Variants in ZFHX3 observed in about 807,000 individuals in gnomAD.
ZFHX3 encodes the protein zinc finger homeobox 3, also known as zinc finger homeobox protein 3.
ZFHX3 carries 42 observed loss-of-function variants against 279.1 expected under a neutral mutation model. That is an observed-to-expected ratio of 0.15 (90% CI 0.12 to 0.19). The LOEUF is 0.19. Among genes scored for constraint, ZFHX3 ranks in the 10% least tolerant of loss-of-function variants. ZFHX3 has a pLI of 1.00. For missense variants in ZFHX3, 4,981 were observed against 4,754.0 expected, an observed-to-expected ratio of 1.05 and a Z score of -1.40; for synonymous variants, 2,293 against 1,957.8, an observed-to-expected ratio of 1.17 and a Z score of -4.52.
At chr16:72,907,602 TG>T (rs1294488778) in intron 3 of ZFHX3, among the ~76,000 whole-genome samples, 3 of 139,722 alleles carry the variant, frequency 2.1e-5, no homozygotes, top group Admixed American at 2.1e-4. Context: ...TGTGTGTGTG[TG>T]TGTTGTGTGT....
chr16:73,359,451 T>C (rs1379240043), intron 3 of ZFHX3, among the ~76,000 whole-genome samples: 1 of 152,128 alleles, frequency 6.6e-6, no homozygotes, highest in East Asian at 1.9e-4. Flanking sequence ...GTCTCAATGC[T>C]GTAGGATTGG....
chr16:73,747,673 A>G (rs1162939489), intron 1 of ZFHX3, among the ~76,000 whole-genome samples: 2 of 152,216 alleles, frequency 1.3e-5, no homozygotes, highest in Admixed American at 1.3e-4. Context: ...AAGTATAGGT[A>G]TAGGTAATGT....
At chr16:73,581,239 C>A (rs1443251511) in intron 2 of ZFHX3, among the ~76,000 whole-genome samples, 1 of 151,728 alleles carries the variant, frequency 6.6e-6, no homozygotes, top group Non-Finnish European at 1.5e-5. Context: ...CCAACATAGA[C>A]AATAAACTAG....
rs1441245563 is a variant in ZFHX3, at chr16:73,555,217, C to T, written c.-1546-98959G>A. Among the ~76,000 whole-genome samples the T allele has an allele frequency of 3.9e-5, 6 of 151,996 alleles. No homozygotes were observed. The East Asian group carries it at 7.8e-4, about 20-fold the overall frequency. Reference sequence around the variant, plus strand: ...TCAACCAGGCTGCAGTGCAGTGGCGCGATCTCAGCTCACTGCAACCTGTGC... The same window carrying T: ...TCAACCAGGCTGCAGTGCAGTGGCGTGATCTCAGCTCACTGCAACCTGTGC... On this transcript the variant is annotated intron_variant, in intron 2 of 17. Coordinates refer to the ZFHX3 transcript ENST00000641206.
At chr16:73,723,014 C>T (rs946012391) in intron 1 of ZFHX3, among the ~76,000 whole-genome samples, 3 of 152,136 alleles carry the variant, frequency 2.0e-5, no homozygotes, top group Non-Finnish European at 2.9e-5. Flanking sequence ...AAGCTAAATG[C>T]TAAGGCCCCA....
At chr16:73,542,581 TGTAA>T (rs1196487207) in intron 2 of ZFHX3, among the ~76,000 whole-genome samples, 1 of 152,182 alleles carries the variant, frequency 6.6e-6, no homozygotes, top group Non-Finnish European at 1.5e-5. Context: ...AAGGCGTTTT[TGTAA>T]GTGACTTGAT....
intron 1 of ZFHX3, among the ~76,000 whole-genome samples, chr16:73,708,633 G>A (rs1422909565): frequency 6.6e-6 from 1 of 152,148 alleles, no homozygotes; most frequent in Non-Finnish European, 1.5e-5. Flanking sequence ...TCTACCCTCT[G>A]AGAATTCTGT....
intron 1 of ZFHX3, among the ~76,000 whole-genome samples, chr16:73,055,872 A>ACACACACACACG (rs1320637770): frequency 6.6e-6 from 1 of 151,558 alleles, no homozygotes; most frequent in African/African-American, 2.4e-5. Context: ...ACACACACAC[A>ACACACACACACG]CGCAGAGAAC....
chr16:72,897,966 C>T (rs1003062437), intron 3 of ZFHX3, among the ~76,000 whole-genome samples: 1 of 152,176 alleles, frequency 6.6e-6, no homozygotes, highest in South Asian at 2.1e-4. Flanking sequence ...TGAGACTCTG[C>T]AGACCCAGGT....
intron 3 of ZFHX3, among the ~76,000 whole-genome samples, chr16:73,353,891 T>C (rs917867406): frequency 2.0e-5 from 3 of 152,244 alleles, no homozygotes; most frequent in African/African-American, 7.2e-5. Context: ...ACAGGTAACA[T>C]TTATGGAGAG....
chr16:72,802,079 T>C (rs1382480784), intron 7 of ZFHX3, among the ~76,000 whole-genome samples: 1 of 152,042 alleles, frequency 6.6e-6, no homozygotes, highest in Non-Finnish European at 1.5e-5. Flanking sequence ...CAGCTGCACA[T>C]CATTATAGAA....
chr16:73,067,478 C>T (rs1396443771), intron 8 of ZFHX3, among the ~76,000 whole-genome samples: 2 of 152,166 alleles, frequency 1.3e-5, no homozygotes, highest in African/African-American at 4.8e-5. Flanking sequence ...CTGGCTTGTC[C>T]CTGCCCCTCA....
chr16:73,496,717 A>T (rs1028510223), intron 2 of ZFHX3, among the ~76,000 whole-genome samples: 10 of 152,112 alleles, frequency 6.6e-5, no homozygotes, highest in African/African-American at 2.2e-4. Flanking sequence ...GGGGCTTCCC[A>T]GTGCAAACTA....
rs373754020 is a variant in ZFHX3 at position 73,612,049 on chromosome 16, G to A, written c.-1547+68131C>T. Among the ~76,000 whole-genome samples the A allele has an allele frequency of 2.0e-5, 3 of 152,258 alleles. No individual in the cohort carries two copies. In the South Asian group the frequency reaches 6.2e-4, roughly 32 times the overall value. ...CATGTTTTTTTAGTTTATAAACCGA[G>A]TTGGATTTAGGTTTGTAAATATTTG... On this transcript the variant is annotated intron_variant, in intron 2 of 17. Coordinates refer to the ZFHX3 transcript ENST00000641206.
chr16:73,854,727 C>CAAAAAAAAAA (rs60003447), intron 1 of ZFHX3, among the ~76,000 whole-genome samples: 3 of 59,518 alleles, frequency 5.0e-5, no homozygotes, highest in African/African-American at 6.6e-5. Flanking sequence ...CCACCTTCCA[C>CAAAAAAAAAA]AAAAAAAAAA....
chr16:73,684,380 G>A (rs1413725391), intron 1 of ZFHX3, among the ~76,000 whole-genome samples: 2 of 151,792 alleles, frequency 1.3e-5, no homozygotes, highest in African/African-American at 4.8e-5. Flanking sequence ...ATGAACTTTA[G>A]GAGCGAATTA....
intron 2 of ZFHX3, among the ~76,000 whole-genome samples, chr16:73,501,588 A>T (rs1429390053): frequency 6.6e-6 from 1 of 152,186 alleles, no homozygotes; most frequent in Non-Finnish European, 1.5e-5. Context: ...CAGGCATCTA[A>T]ATTAAACAGG....
At chr16:73,709,465 C>A (rs1477557614) in intron 1 of ZFHX3, among the ~76,000 whole-genome samples, 1 of 151,698 alleles carries the variant, frequency 6.6e-6, no homozygotes, top group Non-Finnish European at 1.5e-5. Flanking sequence ...AGAAGGAAAC[C>A]CTCTCATTTG....
At position 72,978,785 on chromosome 16, in the gene ZFHX3, G is replaced by A. The variant is rs528072091; in HGVS notation, c.-49-18591C>T. On this transcript the variant is annotated intron_variant, in intron 1 of 9. Transcript: ENST00000268489. ...TTCCAAATGTCAACAAACAAGAAAA[G>A]GGGAGGCCACTATACAACAGTTGTA... is the stretch of plus-strand genomic sequence containing the variant. Among the ~76,000 whole-genome samples, 289 of 152,226 alleles carry A rather than the reference G, an allele frequency of 1.9e-3. 1 individual carries two copies. The highest frequency in any genetic ancestry group is 3.4e-3 in the Non-Finnish European group (232 of 68,006).
Sources: allele counts gnomAD v4.1 joint callset (sites outside exome capture counted in the v4.1 genomes callset), GRCh38; gene constraint gnomAD v4.1.1; transcripts MANE v1.5; gene names NCBI Gene and HGNC (gene_info 2026-07-23, HGNC 2026-07-21).